Variants in SRGAP2 observed in about 807,000 individuals in gnomAD.
SRGAP2 encodes SLIT-ROBO Rho GTPase-activating protein 2.
Under a neutral mutation model 57.2 loss-of-function variants are expected in SRGAP2, and 15 were observed. The observed-to-expected ratio is 0.26, with a 90% confidence interval of 0.18 to 0.40. SRGAP2 has a LOEUF of 0.40. Among genes scored for constraint, SRGAP2 ranks in the 10% least tolerant of loss-of-function variants. The probability of loss-of-function intolerance (pLI) is 1.00; values close to 1 mark genes in which losing one functional copy is unlikely to be tolerated. For synonymous variants in SRGAP2, 249 were observed against 248.0 expected (o/e 1.00, Z -0.04); for missense variants, 520 against 669.6 (o/e 0.78, Z 2.47).
Position 206,427,639 on chromosome 1 carries a change from G to C in SRGAP2, c.1495-2523G>C, listed in dbSNP as rs980988507. Among the ~76,000 whole-genome samples the C allele has an allele frequency of 2.6e-4, 40 of 152,252 alleles. No homozygotes were observed. In the East Asian group the frequency reaches 4.2e-3, roughly 16 times the overall value. On this transcript the variant is annotated intron_variant, in intron 13 of 22. Coordinates refer to ENST00000573034, the MANE Select transcript of SRGAP2 (RefSeq NM_015326.5). ...GCTACAGTGGCAAATTCAGAGCCAG[G>C]GGGGGGATCCACGCAGACCTGTCAA...
intron 4 of SRGAP2, among the ~76,000 whole-genome samples, chr1:206,347,539 TG>T (rs1675729452): frequency 1.3e-5 from 2 of 150,382 alleles, no homozygotes; most frequent in Admixed American, 1.3e-4. Context: ...ATCATGCTGT[TG>T]CACTTCAGTC....
intron 14 of SRGAP2, among the ~76,000 whole-genome samples, chr1:206,430,504 A>T (rs1661197008): frequency 6.6e-6 from 1 of 152,226 alleles, no homozygotes; most frequent in East Asian, 1.9e-4. Context: ...ATGTAAATAC[A>T]GCTGCTATTA....
At chr1:206,276,806 T>C (rs1670437826) in intron 2 of SRGAP2, among the ~76,000 whole-genome samples, 3 of 152,164 alleles carry the variant, frequency 2.0e-5, no homozygotes, top group African/African-American at 7.2e-5. Context: ...TATTTTGTTT[T>C]TAGGGTGGTG....
chr1:206,391,112 C>CT (rs1280057586), intron 5 of SRGAP2, among the ~76,000 whole-genome samples: 42 of 151,438 alleles, frequency 2.8e-4, no homozygotes, highest in Admixed American at 5.9e-4. Flanking sequence ...TCCCTGACCT[C>CT]TAACTACTAG....
chr1:206,378,482 G>T (rs1308624339), intron 4 of SRGAP2, among the ~76,000 whole-genome samples: 18 of 152,022 alleles, frequency 1.2e-4, no homozygotes, highest in Non-Finnish European at 1.5e-5. Flanking sequence ...GCAAGACCTT[G>T]TATCTAAAAA....
At chr1:206,433,150 G>A (rs782531470) in intron 14 of SRGAP2, among the ~76,000 whole-genome samples, 3 of 152,126 alleles carry the variant, frequency 2.0e-5, no homozygotes, top group Non-Finnish European at 2.9e-5. Context: ...GAATATCCAC[G>A]TATCTTCTCA....
chr1:206,454,942 G>C lies in SRGAP2; in HGVS notation c.2425G>C (p.Glu809Gln). The change falls in exon 21 of 23, where the codon GAA (glutamate) becomes CAA (glutamine). Residue 809 changes from glutamate to glutamine, a missense_variant. Glu to Gln is a conservative substitution (Grantham distance 29). Coordinates refer to ENST00000573034, the MANE Select transcript of SRGAP2 (RefSeq NM_015326.5). The surrounding 1 kb of genome is among the most constrained non-coding windows in gnomAD (Gnocchi z 4.3). ...SEIEVISEPP[E>Q]EKVTARAGAS... is the part of the protein sequence containing the mutation. ...GATTGAGGTCATTTCTGAGCCACCT[G>C]AAGAAAAGGTGACAGCCAGAGCGGG... is the stretch of plus-strand genomic sequence containing the variant. 1.3e-6 allele frequency: 1 copy of C among 780,784 alleles called. No individual in the cohort carries two copies. The allele number at this position is 780,784 out of a possible 1,614,324, so 48.4% of individuals were successfully genotyped here.
intron 16 of SRGAP2, among the ~76,000 whole-genome samples, chr1:206,438,509 T>G (rs1661978080): frequency 6.6e-6 from 1 of 152,272 alleles, no homozygotes; most frequent in Admixed American, 6.5e-5. Flanking sequence ...ACCTGCTAAA[T>G]GTATTAATAT....
chr1:206,442,742 T>C (rs1662420489), intron 17 of SRGAP2, among the ~76,000 whole-genome samples: 1 of 152,120 alleles, frequency 6.6e-6, no homozygotes, highest in African/African-American at 2.4e-5. Flanking sequence ...AAATAATAAA[T>C]AGAATGCAAG....
intron 4 of SRGAP2, among the ~76,000 whole-genome samples, chr1:206,357,283 G>GT (rs1676510411): frequency 6.7e-6 from 1 of 148,500 alleles, no homozygotes; most frequent in African/African-American, 2.5e-5. Context: ...GTAGTAACGT[G>GT]TTTTTTTCAA....
In SRGAP2 at chr1:206,437,163, G is replaced by A. The variant is rs923279557; in HGVS notation, c.1633+121G>A. On this transcript the variant is annotated intron_variant, in intron 15 of 22. Coordinates refer to ENST00000573034, the MANE Select transcript of SRGAP2 (RefSeq NM_015326.5). The stretch of plus-strand genomic sequence containing the variant: ...GAAGCCAACTTCCCTGTCTCTTCAG[G>A]GGGTACCTGCTGTCTTGTACACATT... 38 of 717,462 alleles carry A rather than the reference G, an allele frequency of 5.3e-5. No homozygotes were observed. The African/African-American group carries it at 6.6e-4, about 12-fold the overall frequency. The allele number at this position is 717,462 out of a possible 1,614,324, so 44.4% of individuals were successfully genotyped here.
chr1:206,394,735 T>G (rs1657403709), intron 7 of SRGAP2, among the ~76,000 whole-genome samples: 1 of 151,886 alleles, frequency 6.6e-6, no homozygotes, highest in Non-Finnish European at 1.5e-5. Flanking sequence ...AAGCTTTTTG[T>G]TTTTTGCCTG....
In SRGAP2 at chr1:206,458,669, A is replaced by G. The variant is rs1248041095; in HGVS notation, c.2554A>G (p.Ser852Gly). The change falls in exon 22 of 23, where the codon AGT becomes GGT. Residue 852 changes from serine to glycine, a missense_variant. Around this residue, in one of 5 missense-constraint regions of SRGAP2, gnomAD observed 478 missense variants for 373.6 expected, o/e 1.28. Coordinates refer to ENST00000573034, the MANE Select transcript of SRGAP2 (RefSeq NM_015326.5). ...TGGGAGCATCCGGAAAACTTTTCGG[A>G]GTGACAGCCATGGGCTGAGCAGTTC... ...ESGSIRKTFR[S>G]DSHGLSSSLT... The G allele has an allele frequency of 1.3e-6, 1 of 773,344 alleles. No individual in the cohort carries two copies. Among genetic ancestry groups the G allele is most frequent in the Non-Finnish European group, 2.4e-6 (1 of 413,408 alleles). The allele number at this position is 773,344 out of a possible 1,614,324, so 47.9% of individuals were successfully genotyped here. A position where few individuals can be genotyped will look rare whatever the true frequency, so the allele number is the denominator to read the frequency against.
At chr1:206,234,549 C>T (rs1553307790) in intron 2 of SRGAP2, among the ~76,000 whole-genome samples, 1 of 152,188 alleles carries the variant, frequency 6.6e-6, no homozygotes, top group African/African-American at 2.4e-5. Flanking sequence ...CTATGGGGAG[C>T]TTAGAAAACA....
chr1:206,410,565 G>A (rs1002834166), intron 10 of SRGAP2, among the ~76,000 whole-genome samples: 3 of 152,074 alleles, frequency 2.0e-5, no homozygotes, highest in Non-Finnish European at 2.9e-5. Flanking sequence ...AACAACTGAC[G>A]TATCTGTAAA....
chr1:206,335,000 CATG>C (rs1674670480), intron 3 of SRGAP2, among the ~76,000 whole-genome samples: 1 of 150,486 alleles, frequency 6.6e-6, no homozygotes, highest in African/African-American at 2.5e-5. Context: ...CAACTGTCAA[CATG>C]ATATTGATGG....
intron 2 of SRGAP2, among the ~76,000 whole-genome samples, chr1:206,241,036 T>C (rs1180747400): frequency 2.0e-5 from 3 of 152,134 alleles, no homozygotes; most frequent in Non-Finnish European, 4.4e-5. Flanking sequence ...ATTTAAAAAT[T>C]AGCTGGACTT....
At chr1:206,456,627 A>C (rs536913914) in intron 21 of SRGAP2, among the ~76,000 whole-genome samples, 1 of 152,304 alleles carries the variant, frequency 6.6e-6, no homozygotes, top group East Asian at 1.9e-4. Flanking sequence ...AAAAAAAAAG[A>C]GTATCTGTAG....
intron 17 of SRGAP2, among the ~76,000 whole-genome samples, chr1:206,444,673 T>C (rs1383830207): frequency 6.6e-6 from 1 of 152,196 alleles, no homozygotes; most frequent in African/African-American, 2.4e-5. Flanking sequence ...CCCTCCCCAG[T>C]TTTAATTTGA....
Sources: gnomAD v4.1 joint callset for allele counts (sites outside exome capture counted in the v4.1 genomes callset) on GRCh38, gnomAD v4.1.1 for gene constraint, gnomAD v4.1.1 regional missense constraint, Gnocchi (gnomAD v3.1) non-coding constraint, MANE v1.5 for transcripts, NCBI Gene and HGNC (gene_info 2026-07-23, HGNC 2026-07-21) for gene names.